The following AIG1 variants were observed in gnomAD, a reference collection of about 807,000 sequenced individuals.
The protein encoded by AIG1 is androgen induced 1.
AIG1 carries 23 observed loss-of-function variants against 31.4 expected under a neutral mutation model. The ratio of observed to expected loss-of-function variants is 0.73; its 90% confidence interval spans 0.53 to 1.04. AIG1 has a LOEUF of 1.04. AIG1 is among the 50% of genes least tolerant of loss of function. The pLI, the probability that AIG1 is intolerant of heterozygous loss-of-function variation, is 0.00. For missense variants in AIG1, 274 were observed against 295.0 expected (o/e 0.93, Z 0.52); for synonymous variants, 100 against 110.5 (o/e 0.90, Z 0.60).
At chr6:143,157,655 T>G (rs2128555169) in intron 2 of AIG1, among the ~76,000 whole-genome samples, 1 of 152,254 alleles carries the variant, frequency 6.6e-6, no homozygotes, top group South Asian at 2.1e-4. Flanking sequence ...CTGCCTCTAA[T>G]GTGACTTTCA....
At chr6:143,095,312 A>C (rs1779653707) in intron 1 of AIG1, among the ~76,000 whole-genome samples, 1 of 152,168 alleles carries the variant, frequency 6.6e-6, no homozygotes, top group African/African-American at 2.4e-5. Flanking sequence ...TTACTAGTGC[A>C]GGAAGCAAAA....
intron 3 of AIG1, among the ~76,000 whole-genome samples, chr6:143,204,127 A>G (rs1790918551): frequency 6.6e-6 from 1 of 152,216 alleles, no homozygotes; most frequent in South Asian, 2.1e-4. Flanking sequence ...TCCAGTATCC[A>G]CTGTTGTATA....
chr6:143,161,752 G>A (rs963498053), intron 2 of AIG1, among the ~76,000 whole-genome samples: 1 of 151,978 alleles, frequency 6.6e-6, no homozygotes, highest in South Asian at 2.1e-4. Context: ...TATTCTTTGT[G>A]TATGTATATA....
intron 1 of AIG1, among the ~76,000 whole-genome samples, chr6:143,106,373 A>G (rs1391411735): frequency 2.0e-5 from 3 of 152,160 alleles, no homozygotes; most frequent in Non-Finnish European, 1.5e-5. Context: ...TGAGACAGTA[A>G]TTTCTGTTGT....
intron 1 of AIG1, among the ~76,000 whole-genome samples, chr6:143,063,342 C>T (rs1397208090): frequency 2.6e-5 from 4 of 152,184 alleles, no homozygotes; most frequent in Admixed American, 2.6e-4. Flanking sequence ...GGACCTTTAG[C>T]CAGCGTTGTA....
In AIG1 at chr6:143,334,426, A is replaced by G. The variant is rs1777323417; in HGVS notation, c.679+981A>G. Among the ~76,000 whole-genome samples the G allele has an allele frequency of 6.6e-6, 1 of 152,252 alleles. No individual in the cohort carries two copies. The highest frequency in any genetic ancestry group is 2.1e-4 in the South Asian group (1 of 4,834). On this transcript the variant is annotated intron_variant, in intron 5 of 5. Transcript: ENST00000357847. The surrounding 1 kb of genome is among the most constrained non-coding windows in gnomAD (Gnocchi z 5.1). ...GGTTACTGTGCATGGTTACTGAATC[A>G]GACTTTTGTGTGTGTGGATCCTCTA...
chr6:143,167,412 C>T, intron 3 of AIG1, among the ~76,000 whole-genome samples: 1 of 152,152 alleles, frequency 6.6e-6, no homozygotes, highest in Middle Eastern at 3.2e-3. Flanking sequence ...ATGTCAGTTA[C>T]CTTGTTCTGA....
At chr6:143,156,070 C>T (rs908389183) in intron 2 of AIG1, among the ~76,000 whole-genome samples, 9 of 152,178 alleles carry the variant, frequency 5.9e-5, no homozygotes, top group African/African-American at 2.2e-4. Context: ...AGCCTCATGT[C>T]AGCAGGCCCA....
At chr6:143,085,913 C>A (rs1292313719) in intron 1 of AIG1, among the ~76,000 whole-genome samples, 1 of 152,212 alleles carries the variant, frequency 6.6e-6, no homozygotes, top group African/African-American at 2.4e-5. Context: ...AGGAAATCTG[C>A]TGGGTTAAGG....
intron 3 of AIG1, among the ~76,000 whole-genome samples, chr6:143,270,091 G>A (rs1271774028): frequency 1.3e-5 from 2 of 152,158 alleles, no homozygotes; most frequent in African/African-American, 2.4e-5. Flanking sequence ...GATTCAAACA[G>A]GACCCCTACT....
In AIG1 at chr6:143,333,243, G is replaced by A. The variant is rs1220684897; in HGVS notation, c.516-39G>A. 4 of 1,560,278 alleles carry A rather than the reference G, an allele frequency of 2.6e-6. No individual in the cohort carries two copies. The highest frequency in any genetic ancestry group is 2.7e-5 in the African/African-American group (2 of 72,786). ...AGCAGCTTTGATGCCTGCCATAAGA[G>A]TGACTCCTGTCCTTGTCTCCTTTCC... On this transcript the variant is annotated intron_variant, in intron 4 of 5. Transcript: ENST00000357847. The surrounding 1 kb of genome is among the most constrained non-coding windows in gnomAD (Gnocchi z 4.6).
chr6:143,223,510 A>G (rs7740214), intron 3 of AIG1, among the ~76,000 whole-genome samples: 76,173 of 151,902 alleles, frequency 0.5, 19,952 homozygotes, highest in East Asian at 0.64. Flanking sequence ...TGAAATTTGG[A>G]GGTGTTGCTT....
intron 2 of AIG1, among the ~76,000 whole-genome samples, chr6:143,153,514 A>AT (rs1390876949): frequency 3.3e-5 from 5 of 151,948 alleles, no homozygotes; most frequent in Non-Finnish European, 5.9e-5. Flanking sequence ...TGCCTGGCTA[A>AT]TTTTTTTGTA....
At chr6:143,212,274 C>G (rs1791653781) in intron 3 of AIG1, among the ~76,000 whole-genome samples, 1 of 152,144 alleles carries the variant, frequency 6.6e-6, no homozygotes, top group Non-Finnish European at 1.5e-5. Flanking sequence ...TGCTTCGAGC[C>G]CATTCTTCTC....
intron 3 of AIG1, among the ~76,000 whole-genome samples, chr6:143,173,263 A>G (rs1380037560): frequency 1.3e-5 from 2 of 152,184 alleles, no homozygotes; most frequent in African/African-American, 4.8e-5. Context: ...GTGTTTTGCC[A>G]TGTTGGCCAG....
chr6:143,275,063 A>G (rs969121998), intron 3 of AIG1, among the ~76,000 whole-genome samples: 2 of 152,212 alleles, frequency 1.3e-5, no homozygotes, highest in African/African-American at 4.8e-5. Flanking sequence ...TCAAATTGAC[A>G]TTTACAAAGT....
Position 143,330,409 on chromosome 6 carries a change from G to C in AIG1, c.516-2873G>C, listed in dbSNP as rs1562599102. ...ACAAGGGAGCCCAAGGGGATGCTGTGGGGGTGGTGAGGAGTATTGTTCTGG... is the reference window on the plus strand; with the variant it reads ...ACAAGGGAGCCCAAGGGGATGCTGTCGGGGTGGTGAGGAGTATTGTTCTGG... On this transcript the variant is annotated intron_variant, in intron 4 of 5. Coordinates refer to ENST00000357847, the MANE Select transcript of AIG1 (RefSeq NM_016108.4). The surrounding 1 kb of genome is among the most constrained non-coding windows in gnomAD (Gnocchi z 4.4). 6.6e-6 allele frequency among the ~76,000 whole-genome samples: 1 copy of C among 152,274 alleles called. No homozygotes were observed. The highest frequency in any genetic ancestry group is 2.1e-4 in the South Asian group (1 of 4,812).
In AIG1 at chr6:143,339,810, C is replaced by A; in HGVS notation, c.*134C>A. 1.4e-6 allele frequency: 1 copy of A among 720,404 alleles called. No individual in the cohort carries two copies. Among genetic ancestry groups the A allele is most frequent in the Non-Finnish European group, 2.2e-6 (1 of 444,502 alleles). 44.6% of individuals were successfully genotyped at this position (720,404 alleles called of 1,614,324 possible). On this transcript the variant is annotated 3_prime_UTR_variant, in exon 6 of 6. Transcript: ENST00000357847. ...CACCCCCCTCCCCCAATGAGGACAC[C>A]TTTTATATATAAATATGTATAAACA...
At chr6:143,198,179 T>C (rs1790408806) in intron 3 of AIG1, among the ~76,000 whole-genome samples, 1 of 152,236 alleles carries the variant, frequency 6.6e-6, no homozygotes, top group African/African-American at 2.4e-5. Context: ...CTCTCTATAA[T>C]TGATCTTCTA....
Sources: allele counts gnomAD v4.1 joint callset (sites outside exome capture counted in the v4.1 genomes callset), GRCh38; gene constraint gnomAD v4.1.1; non-coding constraint Gnocchi (gnomAD v3.1); transcripts MANE v1.5; gene names NCBI Gene and HGNC (gene_info 2026-07-23, HGNC 2026-07-21).